The following L3MBTL4 variants were observed in gnomAD, a reference collection of about 807,000 sequenced individuals.
L3MBTL4 encodes L3MBTL histone methyl-lysine binding protein 4, also known as lethal(3)malignant brain tumor-like protein 4.
In L3MBTL4, 70 loss-of-function variants were observed where a neutral mutation model predicts 84.5. The ratio of observed to expected loss-of-function variants is 0.83; its 90% CI spans 0.68 to 1.01. L3MBTL4 has a LOEUF of 1.01. Ranked by LOEUF, L3MBTL4 falls within the 50% of genes least tolerant of loss-of-function variation. The probability of loss-of-function intolerance (pLI) is 0.00; values close to 1 mark genes in which losing one functional copy is unlikely to be tolerated. For missense variants in L3MBTL4, 715 were observed against 754.8 expected, an observed-to-expected ratio of 0.95 and a Z score of 0.62; for synonymous variants, 274 against 259.8, an observed-to-expected ratio of 1.05 and a Z score of -0.52.
chr18:6,173,706 G>A (rs2044088668), intron 12 of L3MBTL4, among the ~76,000 whole-genome samples: 1 of 152,108 alleles, frequency 6.6e-6, no homozygotes, highest in Non-Finnish European at 1.5e-5. Flanking sequence ...CTCAGCCTGG[G>A]GAGGTTGAGG....
At chr18:6,116,292 G>A (rs940646017) in intron 14 of L3MBTL4, among the ~76,000 whole-genome samples, 1 of 152,048 alleles carries the variant, frequency 6.6e-6, no homozygotes, top group African/African-American at 2.4e-5. Context: ...GGGGGCATGG[G>A]AACGGGAGGA....
intron 14 of L3MBTL4, among the ~76,000 whole-genome samples, chr18:6,129,126 A>C (rs1254473535): frequency 6.6e-6 from 1 of 152,122 alleles, no homozygotes; most frequent in Non-Finnish European, 1.5e-5. Context: ...CCTCAATTAA[A>C]AGGAAGGTCA....
intron 13 of L3MBTL4, among the ~76,000 whole-genome samples, chr18:6,147,223 T>C (rs2042694203): frequency 1.3e-5 from 2 of 152,116 alleles, no homozygotes; most frequent in South Asian, 4.1e-4. Context: ...TAAGAAGATT[T>C]AATGAAATAA....
At chr18:6,009,913 A>C (rs1270990690) in intron 16 of L3MBTL4, among the ~76,000 whole-genome samples, 1 of 152,226 alleles carries the variant, frequency 6.6e-6, no homozygotes, top group African/African-American at 2.4e-5. Context: ...CTACAAACAA[A>C]GCTGCCCATT....
At chr18:6,055,556 T>G (rs184244996) in intron 16 of L3MBTL4, among the ~76,000 whole-genome samples, 395 of 152,270 alleles carry the variant, frequency 2.6e-3, no homozygotes, top group Non-Finnish European at 4.3e-3. Context: ...TCAGCAAAGG[T>G]TTTTTATATT....
rs536097905 is a variant in L3MBTL4 at position 5,968,918 on chromosome 18, T to G, written c.1614+475A>C. Among the ~76,000 whole-genome samples, 519 of 152,278 alleles carry G rather than the reference T, an allele frequency of 3.4e-3. 4 individuals carry two copies. The highest frequency in any genetic ancestry group is 4.5e-3 in the Non-Finnish European group (309 of 68,010). ...GCAAACCTGCAGCAGGGGCCTGCTC[T>G]GCCATGAGTGTGCCTGGATCCCATA... is the stretch of plus-strand genomic sequence containing the variant. On this transcript the variant is annotated intron_variant, in intron 17 of 18. Coordinates refer to ENST00000317931, the MANE Select transcript of L3MBTL4 (RefSeq NM_001330559.2).
Position 6,116,715 on chromosome 18 carries a change from G to T in L3MBTL4, c.1199+21479C>A, listed in dbSNP as rs2059371329. 1.3e-5 allele frequency among the ~76,000 whole-genome samples: 2 copies of T among 152,080 alleles called. 1 individual carries two copies. Among genetic ancestry groups the T allele is most frequent in the African/African-American group, 4.8e-5 (2 of 41,390 alleles). ...AGTTGTTTGTTTTTAGAGAGATTTG[G>T]ACATGATTAAGTTTTTTTGTTGAAT... On this transcript the variant is annotated intron_variant, in intron 14 of 18. Transcript: ENST00000317931.
At position 5,995,783 on chromosome 18, in the gene L3MBTL4, G is replaced by T. The variant is rs12607985; in HGVS notation, c.1445-26221C>A. On this transcript the variant is annotated intron_variant, in intron 16 of 18. Coordinates refer to ENST00000317931, the MANE Select transcript of L3MBTL4 (RefSeq NM_001330559.2). ...GGCTGGCAGGAAGGAGTGAGGCTGGGTCCACTGATCCCCACTACTTAGCAG... is the reference window on the plus strand; with the variant it reads ...GGCTGGCAGGAAGGAGTGAGGCTGGTTCCACTGATCCCCACTACTTAGCAG... Among the ~76,000 whole-genome samples the T allele has an allele frequency of 7.1e-4, 108 of 152,274 alleles. 1 individual carries two copies. In the East Asian group the frequency reaches 0.02, roughly 29 times the overall value.
At chr18:6,227,259 A>G (rs2046818321) in intron 10 of L3MBTL4, among the ~76,000 whole-genome samples, 1 of 152,192 alleles carries the variant, frequency 6.6e-6, no homozygotes, top group Non-Finnish European at 1.5e-5. Flanking sequence ...AGAACACAGA[A>G]GACATGAACA....
At chr18:6,071,745 G>GAAAA (rs2057630034) in intron 16 of L3MBTL4, among the ~76,000 whole-genome samples, 1 of 58,832 alleles carries the variant, frequency 1.7e-5, no homozygotes, top group African/African-American at 5.2e-5. Context: ...AAGAAGGAAG[G>GAAAA]AAAGAAAGAA....
At chr18:6,398,955 T>C (rs2144624002) in intron 1 of L3MBTL4, among the ~76,000 whole-genome samples, 1 of 152,232 alleles carries the variant, frequency 6.6e-6, no homozygotes, top group Middle Eastern at 3.4e-3. Context: ...TGTCCAGCAA[T>C]CCAAAAACAA....
chr18:6,349,047 T>A (rs1224506932), intron 1 of L3MBTL4, among the ~76,000 whole-genome samples: 1 of 152,162 alleles, frequency 6.6e-6, no homozygotes, highest in South Asian at 2.1e-4. Context: ...CAACACCAAG[T>A]GCTAGACAGA....
chr18:6,083,245 A>G (rs2058140439), intron 15 of L3MBTL4, among the ~76,000 whole-genome samples: 1 of 152,208 alleles, frequency 6.6e-6, no homozygotes, highest in Admixed American at 6.5e-5. Flanking sequence ...TTGCTGGGCC[A>G]GTGGGGTCTT....
intron 17 of L3MBTL4, among the ~76,000 whole-genome samples, chr18:5,965,400 C>A (rs1309202474): frequency 6.6e-6 from 1 of 152,180 alleles, no homozygotes; most frequent in African/African-American, 2.4e-5. Context: ...TGCAGACACG[C>A]TGTTTTAAGT....
chr18:6,070,393 T>G (rs1192126859), intron 16 of L3MBTL4, among the ~76,000 whole-genome samples: 1 of 151,714 alleles, frequency 6.6e-6, no homozygotes, highest in African/African-American at 2.4e-5. Context: ...AGCCAACGGA[T>G]TACCATATTT....
intron 4 of L3MBTL4, among the ~76,000 whole-genome samples, chr18:6,299,240 A>G (rs2050230830): frequency 6.6e-6 from 1 of 152,190 alleles, no homozygotes; most frequent in Non-Finnish European, 1.5e-5. Flanking sequence ...CAGCATGACT[A>G]TGTCAGGGAA....
chr18:6,071,853 A>T (rs2057668697), intron 16 of L3MBTL4, among the ~76,000 whole-genome samples: 1 of 151,528 alleles, frequency 6.6e-6, no homozygotes, highest in Admixed American at 6.6e-5. Context: ...AGAGAGAGGG[A>T]GGGAGGGAGG....
chr18:6,071,429 C>T (rs938724909), intron 16 of L3MBTL4, among the ~76,000 whole-genome samples: 2 of 148,930 alleles, frequency 1.3e-5, no homozygotes, highest in South Asian at 4.3e-4. Context: ...CTAAGTCCAA[C>T]TTAACACTAA....
intron 1 of L3MBTL4, among the ~76,000 whole-genome samples, chr18:6,398,922 C>T (rs1392387920): frequency 6.6e-6 from 1 of 152,076 alleles, no homozygotes; most frequent in Non-Finnish European, 1.5e-5. Flanking sequence ...CCTCTGAGGA[C>T]CCCAAGGGAG....
Sources: allele counts gnomAD v4.1 joint callset (sites outside exome capture counted in the v4.1 genomes callset), GRCh38; gene constraint gnomAD v4.1.1; transcripts MANE v1.5; gene names NCBI Gene and HGNC (gene_info 2026-07-23, HGNC 2026-07-21).